The following PRKN variants were observed in gnomAD, a reference collection of about 807,000 sequenced individuals.
The protein encoded by PRKN is parkin RBR E3 ubiquitin protein ligase.
A neutral mutation model predicts 59.5 loss-of-function variants in PRKN; 56 were observed. The observed-to-expected ratio is 0.94, with a 90% CI of 0.76 to 1.18. The LOEUF (loss-of-function observed/expected upper bound fraction) is 1.18. Ranked by LOEUF, PRKN falls within the 50% of genes most tolerant of loss-of-function variation. The probability of loss-of-function intolerance (pLI) is 0.00; values close to 1 mark genes in which losing one functional copy is unlikely to be tolerated. For synonymous variants in PRKN, 250 were observed against 222.1 expected (o/e 1.13, Z -1.12); for missense variants, 657 against 596.4 (o/e 1.10, Z -1.06).
intron 4 of PRKN, among the ~76,000 whole-genome samples, chr6:162,174,011 C>T (rs1583150656): frequency 6.6e-6 from 1 of 152,132 alleles, no homozygotes; most frequent in African/African-American, 2.4e-5. Flanking sequence ...ACCATATATC[C>T]TGCTCTATGC....
chr6:162,000,428 T>C (rs542852317), intron 5 of PRKN, among the ~76,000 whole-genome samples: 1 of 152,254 alleles, frequency 6.6e-6, no homozygotes, highest in East Asian at 1.9e-4. Context: ...TCTTCTTATA[T>C]GCTTACTTGC....
At chr6:161,730,520 AGTGTTGCATTCTTTCTGAT>A (rs1787650398) in intron 7 of PRKN, among the ~76,000 whole-genome samples, 1 of 103,648 alleles carries the variant, frequency 9.6e-6, no homozygotes, top group Non-Finnish European at 2.1e-5. Flanking sequence ...TGCATTCTGA[AGTGTTGCATTCTTTCTGAT>A]GTGTTGCATT....
intron 9 of PRKN, among the ~76,000 whole-genome samples, chr6:161,534,503 G>A (rs750342312): frequency 3.2e-4 from 49 of 152,334 alleles, no homozygotes; most frequent in Non-Finnish European, 6.9e-4. Context: ...GTATGCACAC[G>A]AGCAATGTGA....
rs1158228651 is a variant in PRKN at position 162,262,660 on chromosome 6, C to T, written c.277G>A (p.Gly93Arg). 1.2e-5 allele frequency: 20 copies of T among 1,613,724 alleles called. No individual in the cohort carries two copies. Among genetic ancestry groups the T allele is most frequent in the South Asian group, 3.3e-5 (3 of 91,062 alleles). ...TGGDDPRNAA[G>R]GCEREPQSLT... ...CTCTGGGGCTCCCGCTCACAGCCTC[C>T]CGCCGCGTTTCTGGGGTCGTCGCCT... is the stretch of plus-strand genomic sequence containing the variant. Residue 93 changes from glycine to arginine, a missense_variant, in exon 3 of 12, where the codon GGA becomes AGA. Gly to Arg is a moderately radical substitution (Grantham distance 125). Transcript: ENST00000366898.
chr6:161,990,711 T>A (rs1234703795), intron 5 of PRKN, among the ~76,000 whole-genome samples: 2 of 152,044 alleles, frequency 1.3e-5, no homozygotes, highest in Non-Finnish European at 2.9e-5. Flanking sequence ...AGTTAAAAAA[T>A]TTTAAAAAAT....
At chr6:162,724,740 G>A (rs1584122373) in intron 1 of PRKN, among the ~76,000 whole-genome samples, 4 of 152,164 alleles carry the variant, frequency 2.6e-5, no homozygotes, top group African/African-American at 7.2e-5. Flanking sequence ...AACACAGGGA[G>A]AAGAAAAACA....
At position 161,352,735 on chromosome 6, in the gene PRKN, G is replaced by A. The variant is rs9456660; in HGVS notation, c.1286-2524C>T. Among the ~76,000 whole-genome samples, 2,320 of 76,912 alleles carry A rather than the reference G, an allele frequency of 0.03. 63 individuals are homozygous for A. Among genetic ancestry groups the A allele is most frequent in the African/African-American group, 0.13 (2,198 of 17,350 alleles). The allele number at this position is 76,912 out of a possible 152,430, so 50.5% of individuals were successfully genotyped here. A position where few individuals can be genotyped will look rare whatever the true frequency, so the allele number is the denominator to read the frequency against. On this transcript the variant is annotated intron_variant, in intron 11 of 11. Coordinates refer to ENST00000366898, the MANE Select transcript of PRKN (RefSeq NM_004562.3). The surrounding 1 kb of genome is among the most constrained non-coding windows in gnomAD (Gnocchi z 5.8). ...ACAAATATGTATGAAGAGTGTGTGT[G>A]TGTGTGTGTGTGTGTGTGTGTATAT...
chr6:162,108,576 T>G (rs1780289469), intron 4 of PRKN, among the ~76,000 whole-genome samples: 1 of 152,188 alleles, frequency 6.6e-6, no homozygotes, highest in South Asian at 2.1e-4. Context: ...GACTGAATTC[T>G]AAAGTTCTCT....
chr6:161,770,554 G>A (rs1007599084), intron 7 of PRKN, among the ~76,000 whole-genome samples: 3 of 151,964 alleles, frequency 2.0e-5, no homozygotes, highest in East Asian at 1.9e-4. Context: ...TGTAACCTCC[G>A]CTTCCCAGGT....
At chr6:162,322,294 A>C (rs1487209287) in intron 2 of PRKN, among the ~76,000 whole-genome samples, 16 of 152,096 alleles carry the variant, frequency 1.1e-4, no homozygotes, top group Non-Finnish European at 1.6e-4. Context: ...GAGTGATATT[A>C]AAGAAGAAAG....
intron 2 of PRKN, among the ~76,000 whole-genome samples, chr6:162,339,659 T>C (rs1292752885): frequency 9.2e-5 from 14 of 151,510 alleles, no homozygotes; most frequent in Admixed American, 2.6e-4. Context: ...TCATTGAGAA[T>C]GGGCCATGAT....
At chr6:162,479,456 G>A (rs186711613) in intron 1 of PRKN, among the ~76,000 whole-genome samples, 91 of 152,074 alleles carry the variant, frequency 6.0e-4, no homozygotes, top group African/African-American at 2.0e-3. Flanking sequence ...CTTGAACTCC[G>A]TATCTCAGGT....
chr6:162,539,488 G>A (rs1264762719), intron 1 of PRKN, among the ~76,000 whole-genome samples: 1 of 151,986 alleles, frequency 6.6e-6, no homozygotes, highest in East Asian at 1.9e-4. Flanking sequence ...TTTGTCTACA[G>A]GAAAAAATAT....
rs869253616 is a variant in PRKN at position 161,680,775 on chromosome 6, A to ATTTTTT, written c.871+104991_871+104996dup. ...TATATATATATATATATATATATAT[A>ATTTTTT]TTTTTTTTTTTTTTTCTTTTCCTAA... On this transcript the variant is annotated intron_variant, in intron 7 of 11. Transcript: ENST00000366898. Among the ~76,000 whole-genome samples the ATTTTTT allele has an allele frequency of 6.0e-3, 183 of 30,572 alleles. 4 individuals are homozygous for ATTTTTT. The highest frequency in any genetic ancestry group is 7.6e-3 in the Non-Finnish European group (125 of 16,360). 20.1% of individuals were successfully genotyped at this position (30,572 alleles called of 152,430 possible). A position where few individuals can be genotyped will look rare whatever the true frequency, so the allele number is the denominator to read the frequency against.
At position 161,855,655 on chromosome 6, in the gene PRKN, T is replaced by C. The variant is rs571151733; in HGVS notation, c.735-69747A>G. On this transcript the variant is annotated intron_variant, in intron 6 of 11. Coordinates refer to ENST00000366898, the MANE Select transcript of PRKN (RefSeq NM_004562.3). ...CAAATTTAATTTTCTTTCTTTACGC[T>C]GTTCTTTATTGTATTTTTTCCATTA... 2.6e-5 allele frequency among the ~76,000 whole-genome samples: 4 copies of C among 152,330 alleles called. No individual in the cohort carries two copies. The East Asian group carries it at 7.7e-4, about 29-fold the overall frequency.
At chr6:162,163,117 A>G (rs2849592) in intron 4 of PRKN, among the ~76,000 whole-genome samples, 15,133 of 149,126 alleles carry the variant, frequency 0.1, 2,442 homozygotes, top group East Asian at 0.41. Context: ...CTTCTTAACA[A>G]TTTCTTAAAG....
chr6:162,001,698 T>A (rs2128263102), intron 5 of PRKN, among the ~76,000 whole-genome samples: 1 of 152,068 alleles, frequency 6.6e-6, no homozygotes, highest in South Asian at 2.1e-4. Context: ...TGAAAAGGAG[T>A]GGTAAGAAAT....
At chr6:162,597,160 G>C (rs183623249) in intron 1 of PRKN, among the ~76,000 whole-genome samples, 5 of 152,056 alleles carry the variant, frequency 3.3e-5, no homozygotes, top group African/African-American at 1.2e-4. Context: ...AACCTCTATG[G>C]AAATGGACAA....
At chr6:161,472,345 C>G (rs1255374421) in intron 9 of PRKN, among the ~76,000 whole-genome samples, 1 of 152,034 alleles carries the variant, frequency 6.6e-6, no homozygotes, top group African/African-American at 2.4e-5. Context: ...CCTGTCTCAG[C>G]TTGAAAAGAA....
Sources: allele counts gnomAD v4.1 joint callset (sites outside exome capture counted in the v4.1 genomes callset), GRCh38; gene constraint gnomAD v4.1.1; non-coding constraint Gnocchi (gnomAD v3.1); transcripts MANE v1.5; gene names NCBI Gene and HGNC (gene_info 2026-07-23, HGNC 2026-07-21).